Variants in TRMT9B observed in about 807,000 individuals in gnomAD.
TRMT9B encodes the protein probable tRNA methyltransferase 9B.
Under a neutral mutation model 11.5 loss-of-function variants are expected in TRMT9B, and 16 were observed. The ratio of observed to expected loss-of-function variants is 1.39; its 90% confidence interval spans 0.94 to 2.11. TRMT9B has a LOEUF of 2.11. TRMT9B is among the 30% of genes most tolerant of loss of function. The probability of loss-of-function intolerance (pLI) is 0.00; values close to 1 mark genes in which losing one functional copy is unlikely to be tolerated. For synonymous variants in TRMT9B, 274 were observed against 192.4 expected (o/e 1.42, Z -3.51); for missense variants, 941 against 553.8 (o/e 1.70, Z -7.02).
At position 12,948,116 on chromosome 8, in the gene TRMT9B, T is replaced by C. The variant is rs1276059180; in HGVS notation, c.-200+2150T>C. ...ATTGTAAATGGAAAGTGTTGTAAAA[T>C]GCATTTAACACACCTAACCTACTGA... On this transcript the variant is annotated intron_variant, in intron 1 of 4. Transcript: ENST00000524591. 4.6e-5 allele frequency among the ~76,000 whole-genome samples: 7 copies of C among 152,310 alleles called. 1 individual carries two copies. The Middle Eastern group carries it at 0.014, about 296-fold the overall frequency.
intron 1 of TRMT9B, among the ~76,000 whole-genome samples, chr8:12,958,084 T>A (rs1192933424): frequency 6.8e-6 from 1 of 146,710 alleles, no homozygotes; most frequent in African/African-American, 2.4e-5. Flanking sequence ...GAAAAAGAGG[T>A]TTTTTGTCCT....
chr8:12,964,414 C>A (rs1329621733), intron 1 of TRMT9B, among the ~76,000 whole-genome samples: 1 of 152,148 alleles, frequency 6.6e-6, no homozygotes, highest in Non-Finnish European at 1.5e-5. Context: ...ATGTCGAATG[C>A]TTTGTCTTAT....
chr8:12,980,538 C>T (rs4541925), intron 1 of TRMT9B, among the ~76,000 whole-genome samples: 1 of 152,156 alleles, frequency 6.6e-6, no homozygotes, highest in Non-Finnish European at 1.5e-5. Flanking sequence ...AGGCAAGGTT[C>T]TGCATCCCCC....
chr8:12,948,834 C>A (rs1800395230), intron 1 of TRMT9B, among the ~76,000 whole-genome samples: 1 of 152,080 alleles, frequency 6.6e-6, no homozygotes, highest in South Asian at 2.1e-4. Context: ...GTGGCAGGCG[C>A]CTGTAGTCCC....
At chr8:12,998,543 G>C (rs1808780467) in intron 2 of TRMT9B, among the ~76,000 whole-genome samples, 1 of 152,212 alleles carries the variant, frequency 6.6e-6, no homozygotes, top group South Asian at 2.1e-4. Context: ...TCTGATGACA[G>C]GGCTAAGTGC....
At chr8:13,006,089 C>T (rs1810401458) in intron 2 of TRMT9B, 113 bp from the exon 3 acceptor site, 5 of 958,802 alleles carry the variant, frequency 5.2e-6, no homozygotes, top group African/African-American at 1.6e-5. Context: ...AGTGTGCAAA[C>T]AGCATGAGTT....
Position 13,023,948 on chromosome 8 carries a change from T to C in TRMT9B, c.*1904T>C, listed in dbSNP as rs1295166309. On this transcript the variant is annotated 3_prime_UTR_variant, in exon 5 of 5. Coordinates refer to ENST00000524591, the MANE Select transcript of TRMT9B (RefSeq NM_020844.3). Reference sequence around the variant, plus strand: ...GTCTGGTGAAAATGATGCATATGAGTTGTACTGTTCAGTGTACATCCTGCA... The same window carrying C: ...GTCTGGTGAAAATGATGCATATGAGCTGTACTGTTCAGTGTACATCCTGCA... 1 of 166,958 alleles carries C rather than the reference T, an allele frequency of 6.0e-6. No individual in the cohort carries two copies. Among genetic ancestry groups the C allele is most frequent in the African/African-American group, 2.4e-5 (1 of 41,418 alleles). The allele number at this position is 166,958 out of a possible 1,614,324, so 10.3% of individuals were successfully genotyped here.
intron 4 of TRMT9B, among the ~76,000 whole-genome samples, chr8:13,016,501 C>G (rs1043753738): frequency 2.6e-5 from 4 of 151,218 alleles, no homozygotes; most frequent in African/African-American, 9.7e-5. Flanking sequence ...TATGTTGGCA[C>G]TTCCTGCTTA....
chr8:13,015,704 G>C (rs759943713), intron 4 of TRMT9B, among the ~76,000 whole-genome samples: 5 of 152,052 alleles, frequency 3.3e-5, no homozygotes, highest in African/African-American at 4.8e-5. Context: ...ATTCCACTGA[G>C]ACACTGGTGA....
At chr8:12,988,373 C>G (rs559345747) in intron 1 of TRMT9B, among the ~76,000 whole-genome samples, 124 of 152,042 alleles carry the variant, frequency 8.2e-4, no homozygotes, top group Non-Finnish European at 1.3e-3. Context: ...TGCAATAACA[C>G]AAAATGATTA....
At chr8:12,966,876 A>C (rs916309542) in intron 1 of TRMT9B, among the ~76,000 whole-genome samples, 8 of 152,176 alleles carry the variant, frequency 5.3e-5, no homozygotes, top group African/African-American at 1.9e-4. Flanking sequence ...GGAGCAAAAA[A>C]ATCGGCTTTA....
chr8:12,972,518 T>G lies in TRMT9B; in HGVS notation c.-199-18316T>G, dbSNP rs1262505578. Among the ~76,000 whole-genome samples, 11 of 152,200 alleles carry G rather than the reference T, an allele frequency of 7.2e-5. No individual in the cohort carries two copies. In the East Asian group the frequency reaches 2.1e-3, roughly 29 times the overall value. ...GTGAAGGGCTGTTGCTGGCCAACTC[T>G]GGCAGGAACAGGAAGCAAACAGAGA... is the stretch of plus-strand genomic sequence containing the variant. On this transcript the variant is annotated intron_variant, in intron 1 of 4. Transcript: ENST00000524591.
chr8:13,011,089 A>AT (rs973625705), intron 3 of TRMT9B: 7 of 386,526 alleles, frequency 1.8e-5, no homozygotes, highest in South Asian at 1.1e-4. Flanking sequence ...AATTTAAGTG[A>AT]TTTTTTTCTG....
intron 1 of TRMT9B, among the ~76,000 whole-genome samples, chr8:12,987,300 G>T (rs747091294): frequency 4.6e-5 from 7 of 152,132 alleles, no homozygotes; most frequent in Non-Finnish European, 7.3e-5. Flanking sequence ...TTACAACACG[G>T]CCTGGCCCAT....
intron 3 of TRMT9B, chr8:13,011,426 C>T (rs1406808841): frequency 7.1e-6 from 7 of 985,252 alleles, no homozygotes; most frequent in Non-Finnish European, 8.4e-6. Context: ...TCAGAAGCAG[C>T]AAACTAATCA....
At chr8:13,016,564 A>C (rs901694683) in intron 4 of TRMT9B, among the ~76,000 whole-genome samples, 1 of 151,796 alleles carries the variant, frequency 6.6e-6, no homozygotes, top group Non-Finnish European at 1.5e-5. Flanking sequence ...ATCTTTTAAT[A>C]ATAATGTGAG....
chr8:12,963,939 G>A (rs1005179504), intron 1 of TRMT9B, among the ~76,000 whole-genome samples: 1 of 152,154 alleles, frequency 6.6e-6, no homozygotes, highest in Non-Finnish European at 1.5e-5. Context: ...TAGTGATATT[G>A]TTTCCATACT....
At chr8:12,950,239 C>T (rs1358984563) in intron 1 of TRMT9B, among the ~76,000 whole-genome samples, 1 of 152,158 alleles carries the variant, frequency 6.6e-6, no homozygotes, top group Non-Finnish European at 1.5e-5. Context: ...AACTGATTTC[C>T]CTTATGTTTT....
At chr8:13,013,222 C>A (rs1374680230) in intron 4 of TRMT9B, among the ~76,000 whole-genome samples, 1 of 152,052 alleles carries the variant, frequency 6.6e-6, no homozygotes, top group East Asian at 1.9e-4. Flanking sequence ...GTTATATTAC[C>A]ATTTTTTAGG....
Sources: gnomAD v4.1 joint callset for allele counts (sites outside exome capture counted in the v4.1 genomes callset) on GRCh38, gnomAD v4.1.1 for gene constraint, MANE v1.5 for transcripts, NCBI Gene and HGNC (gene_info 2026-07-23, HGNC 2026-07-21) for gene names.